USP32: variants seen among roughly 807,000 people sequenced by gnomAD.
USP32 encodes ubiquitin carboxyl-terminal hydrolase 32.
Under a neutral mutation model 204.8 loss-of-function variants are expected in USP32, and 59 were observed. That is an observed-to-expected ratio of 0.29 (90% CI 0.23 to 0.36). The LOEUF is 0.36. Among genes scored for constraint, USP32 ranks in the 10% least tolerant of loss-of-function variants. The pLI is 1.00. For synonymous variants in USP32, 517 were observed against 678.4 expected (o/e 0.76, Z 3.70); for missense variants, 1,160 against 1,946.4 (o/e 0.60, Z 7.60).
chr17:60,282,993 G>C (rs992061665), intron 5 of USP32, among the ~76,000 whole-genome samples: 1 of 152,214 alleles, frequency 6.6e-6, no homozygotes, highest in African/African-American at 2.4e-5. Flanking sequence ...CAGACTTAGA[G>C]ATAGGGCAAA....
At chr17:60,335,687 T>C (rs1396165305) in intron 2 of USP32, among the ~76,000 whole-genome samples, 1 of 143,370 alleles carries the variant, frequency 7.0e-6, no homozygotes, top group Non-Finnish European at 1.5e-5. Flanking sequence ...CAGTTACAAG[T>C]CCAGGTTTTG....
intron 2 of USP32, among the ~76,000 whole-genome samples, chr17:60,338,602 C>T (rs1386112149): frequency 6.6e-6 from 1 of 151,960 alleles, no homozygotes; most frequent in East Asian, 1.9e-4. Context: ...TGGTGACACG[C>T]ACCTGTATTC....
At chr17:60,381,181 G>A (rs2089640750) in intron 1 of USP32, among the ~76,000 whole-genome samples, 1 of 152,118 alleles carries the variant, frequency 6.6e-6, no homozygotes, top group Non-Finnish European at 1.5e-5. Flanking sequence ...GCCCACACCT[G>A]TAATCCCAGC....
rs543150440 is a variant in USP32, at chr17:60,216,786, AC to A, written c.1868-2013del. Among the ~76,000 whole-genome samples, 12 of 152,282 alleles carry A rather than the reference AC, an allele frequency of 7.9e-5. No homozygotes were observed. The East Asian group carries it at 2.3e-3, about 29-fold the overall frequency. On this transcript the variant is annotated intron_variant, in intron 16 of 33. Transcript: ENST00000300896. ...TCATGTTATGGCAGAACAAAACCCA[AC>A]CCGTGATCAGTTTTTGAACACATAG...
At chr17:60,243,174 CA>C (rs2085924056) in intron 11 of USP32, among the ~76,000 whole-genome samples, 4 of 152,160 alleles carry the variant, frequency 2.6e-5, no homozygotes, top group Admixed American at 2.6e-4. Flanking sequence ...CTATCTAGTA[CA>C]TGACAATTCA....
chr17:60,188,049 C>T (rs536050935), intron 29 of USP32, among the ~76,000 whole-genome samples: 82 of 152,176 alleles, frequency 5.4e-4, no homozygotes, highest in Non-Finnish European at 6.8e-4. Context: ...GGCGAGATCA[C>T]AGCTCACTGC....
At chr17:60,286,104 C>T (rs1012550833) in intron 5 of USP32, among the ~76,000 whole-genome samples, 1 of 150,274 alleles carries the variant, frequency 6.7e-6, no homozygotes, top group Non-Finnish European at 1.5e-5. Flanking sequence ...TCACTGCACT[C>T]CAGCCCAGGC....
chr17:60,359,051 T>G (rs2089148968), intron 1 of USP32, among the ~76,000 whole-genome samples: 1 of 152,230 alleles, frequency 6.6e-6, no homozygotes, highest in Admixed American at 6.5e-5. Flanking sequence ...GCTACTGTCC[T>G]TGCAGTGTCC....
intron 2 of USP32, among the ~76,000 whole-genome samples, chr17:60,311,809 G>A (rs1178625854): frequency 6.6e-6 from 1 of 152,038 alleles, no homozygotes; most frequent in Non-Finnish European, 1.5e-5. Context: ...TGGGCAACAA[G>A]AGCGAAATTC....
In USP32 at chr17:60,276,946, C is replaced by CATATATATAT. The variant is rs35211470; in HGVS notation, c.572-5475_572-5466dup. ...AGCAAGCTAAAGTAGATTACATATA[C>CATATATATAT]ATATATATATATATATATATAAAAT... On this transcript the variant is annotated intron_variant, in intron 5 of 33. Coordinates refer to ENST00000300896, the MANE Select transcript of USP32 (RefSeq NM_032582.4). Among the ~76,000 whole-genome samples the CATATATATAT allele has an allele frequency of 2.3e-3, 321 of 140,744 alleles. 1 individual carries two copies. The highest frequency in any genetic ancestry group is 8.3e-3 in the African/African-American group (299 of 36,042). The allele number at this position is 140,744 out of a possible 152,430, so 92.3% of individuals were successfully genotyped here.
intron 1 of USP32, chr17:60,421,681 C>T: frequency 1.2e-6 from 1 of 853,272 alleles, no homozygotes; most frequent in Non-Finnish European, 1.4e-6. Context: ...GGGCGAGGGT[C>T]CCGGGGCCTC....
chr17:60,377,955 T>C (rs1204118771), intron 1 of USP32, among the ~76,000 whole-genome samples: 1 of 152,312 alleles, frequency 6.6e-6, no homozygotes, highest in East Asian at 1.9e-4. Context: ...TAAAAGATCC[T>C]ATCAAGACCA....
chr17:60,216,506 G>A (rs1366288938), intron 16 of USP32, among the ~76,000 whole-genome samples: 1 of 152,162 alleles, frequency 6.6e-6, no homozygotes, highest in African/African-American at 2.4e-5. Context: ...TGCTTTTAAT[G>A]AGTCTTCCCC....
intron 12 of USP32, among the ~76,000 whole-genome samples, chr17:60,235,529 A>T (rs2085700029): frequency 6.6e-6 from 1 of 152,256 alleles, no homozygotes; most frequent in Non-Finnish European, 1.5e-5. Context: ...GGCAAATAGG[A>T]ATCAAATGAT....
intron 2 of USP32, among the ~76,000 whole-genome samples, chr17:60,332,438 A>G (rs2088412137): frequency 6.6e-6 from 1 of 151,406 alleles, no homozygotes; most frequent in Admixed American, 6.6e-5. Flanking sequence ...ACCTGAGGTC[A>G]GGAGTTTGAG....
intron 13 of USP32, among the ~76,000 whole-genome samples, chr17:60,225,309 T>C (rs573766059): frequency 6.6e-6 from 1 of 151,972 alleles, no homozygotes; most frequent in African/African-American, 2.4e-5. Flanking sequence ...ACACAAAAAA[T>C]GGCTGGGCAT....
At position 60,208,647 on chromosome 17, in the gene USP32, G is replaced by A. The variant is rs1217610512; in HGVS notation, c.2773+7C>T. The A allele has an allele frequency of 6.7e-7, 1 of 1,481,616 alleles. No homozygotes were observed. The highest frequency in any genetic ancestry group is 2.4e-5 in the East Asian group (1 of 41,690). The allele number at this position is 1,481,616 out of a possible 1,614,324, so 91.8% of individuals were successfully genotyped here. A position where few individuals can be genotyped will look rare whatever the true frequency, so the allele number is the denominator to read the frequency against. On this transcript the variant is annotated splice_region_variant and intron_variant, in intron 23 of 33. Transcript: ENST00000300896. ...GTCAAGTAATTTTTCAGAACTTTCT[G>A]ACCTACCTGTTATTTCTAAGTGCAT...
intron 7 of USP32, among the ~76,000 whole-genome samples, chr17:60,266,559 G>A (rs1462871243): frequency 6.6e-6 from 1 of 152,058 alleles, no homozygotes; most frequent in Non-Finnish European, 1.5e-5. Context: ...CATGATCTCA[G>A]TTCACTGCAA....
intron 11 of USP32, among the ~76,000 whole-genome samples, chr17:60,248,722 T>C (rs1250317239): frequency 1.3e-5 from 2 of 152,230 alleles, no homozygotes; most frequent in African/African-American, 4.8e-5. Flanking sequence ...CCTCTAATTC[T>C]TTAAATACAG....
Sources: gnomAD v4.1 joint callset for allele counts (sites outside exome capture counted in the v4.1 genomes callset) on GRCh38, gnomAD v4.1.1 for gene constraint, MANE v1.5 for transcripts, NCBI Gene and HGNC (gene_info 2026-07-23, HGNC 2026-07-21) for gene names.